Variants in CMTM8 observed in about 807,000 individuals in gnomAD.
CMTM8 encodes CKLF like MARVEL transmembrane domain containing 8, also known as CKLF-like MARVEL transmembrane domain-containing protein 8.
Under a neutral mutation model 18.6 loss-of-function variants are expected in CMTM8, and 12 were observed. The observed-to-expected ratio is 0.65, with a 90% CI of 0.41 to 1.05. The LOEUF is 1.05. Among genes scored for constraint, CMTM8 ranks in the 50% least tolerant of loss-of-function variants. The probability of loss-of-function intolerance (pLI) is 0.00; values close to 1 mark genes in which losing one functional copy is unlikely to be tolerated. For synonymous variants in CMTM8, 87 were observed against 90.6 expected (o/e 0.96, Z 0.23); for missense variants, 217 against 227.2 (o/e 0.95, Z 0.29).
chr3:32,303,346 G>A (rs972523653), intron 1 of CMTM8, among the ~76,000 whole-genome samples: 4 of 152,166 alleles, frequency 2.6e-5, no homozygotes, highest in Non-Finnish European at 5.9e-5. Context: ...TATCATATCA[G>A]TGAGATATTT....
intron 1 of CMTM8, among the ~76,000 whole-genome samples, chr3:32,246,752 G>A (rs1252694487): frequency 1.3e-5 from 2 of 152,122 alleles, no homozygotes; most frequent in Admixed American, 1.3e-4. Flanking sequence ...GTTCTTTAGT[G>A]TTTTCTGAGG....
intron 1 of CMTM8, among the ~76,000 whole-genome samples, chr3:32,322,095 G>A (rs983475328): frequency 2.6e-5 from 4 of 152,192 alleles, no homozygotes; most frequent in Non-Finnish European, 5.9e-5. Context: ...TCTCATGGGA[G>A]TCCCTGAAGA....
rs1396329592 is a variant in CMTM8 at position 32,367,989 on chromosome 3, G to A, written c.438+1G>A. 1 of 1,589,782 alleles carries A rather than the reference G, an allele frequency of 6.3e-7. No homozygotes were observed. Among genetic ancestry groups the A allele is most frequent in the Non-Finnish European group, 8.6e-7 (1 of 1,157,822 alleles). ...CTTCAACAGCTGGGCGGCCTCATCGGTGAGTAGCCCTCCATCCCCACATGA... is the reference window on the plus strand; with the variant it reads ...CTTCAACAGCTGGGCGGCCTCATCGATGAGTAGCCCTCCATCCCCACATGA... On this transcript the variant is annotated splice_donor_variant, in intron 3 of 3. Transcript: ENST00000307526. LOFTEE classifies it high-confidence loss of function.
At chr3:32,281,622 T>G (rs1331257082) in intron 1 of CMTM8, among the ~76,000 whole-genome samples, 3 of 152,134 alleles carry the variant, frequency 2.0e-5, no homozygotes, top group African/African-American at 7.2e-5. Context: ...GCAGCAAAAC[T>G]TCTTGAATGA....
intron 1 of CMTM8, among the ~76,000 whole-genome samples, chr3:32,339,261 C>T (rs1291231901): frequency 6.6e-6 from 1 of 152,162 alleles, no homozygotes. Flanking sequence ...CAGTGCCGGT[C>T]TTTAGTTGAT....
intron 1 of CMTM8, chr3:32,258,984 C>T (rs113223015): frequency 0.058 from 19,030 of 328,910 alleles, 642 homozygotes; most frequent in African/African-American, 0.088. Flanking sequence ...ACTGCCAGTC[C>T]GTGGGCTCTG....
At chr3:32,367,183 G>A (rs1697054939) in intron 2 of CMTM8, among the ~76,000 whole-genome samples, 2 of 152,166 alleles carry the variant, frequency 1.3e-5, no homozygotes, top group African/African-American at 4.8e-5. Context: ...GTTCAGGCAG[G>A]ACCCAGCTTT....
At chr3:32,336,133 A>T (rs560011925) in intron 1 of CMTM8, among the ~76,000 whole-genome samples, 55 of 152,352 alleles carry the variant, frequency 3.6e-4, no homozygotes, top group African/African-American at 1.3e-3. Context: ...TTTGAGATTG[A>T]CATTAAAGAG....
intron 1 of CMTM8, among the ~76,000 whole-genome samples, chr3:32,337,748 C>T (rs1425226396): frequency 2.0e-5 from 3 of 152,134 alleles, no homozygotes; most frequent in Non-Finnish European, 2.9e-5. Flanking sequence ...CTCACATGCT[C>T]CTGGGGGATA....
intron 1 of CMTM8, among the ~76,000 whole-genome samples, chr3:32,245,357 T>TA (rs1449554833): frequency 2.0e-5 from 3 of 152,212 alleles, no homozygotes; most frequent in Non-Finnish European, 4.4e-5. Context: ...GGGTGAGTGG[T>TA]AGTAGCTGTA....
intron 1 of CMTM8, among the ~76,000 whole-genome samples, chr3:32,354,914 G>A (rs188674858): frequency 7.2e-5 from 11 of 152,296 alleles, no homozygotes; most frequent in Admixed American, 4.6e-4. Context: ...ATCCCATTTT[G>A]TGTATCTTCA....
At chr3:32,291,392 G>A (rs189240540) in intron 1 of CMTM8, among the ~76,000 whole-genome samples, 6 of 150,058 alleles carry the variant, frequency 4.0e-5, no homozygotes, top group Admixed American at 6.6e-5. Flanking sequence ...CGCCCGCCTC[G>A]GCCTCCCAAA....
chr3:32,261,787 G>A (rs1050343506), intron 1 of CMTM8, among the ~76,000 whole-genome samples: 2 of 152,184 alleles, frequency 1.3e-5, no homozygotes, highest in African/African-American at 4.8e-5. Context: ...GTGGAGTTCA[G>A]TGTGAAACAA....
chr3:32,322,265 CTTGT>C (rs144215118), intron 1 of CMTM8, among the ~76,000 whole-genome samples: 3,240 of 152,054 alleles, frequency 0.021, 131 homozygotes, highest in African/African-American at 0.074. Flanking sequence ...CATTAGATGG[CTTGT>C]TTTTGTTTTT....
At chr3:32,284,055 C>A (rs1428630377) in intron 1 of CMTM8, among the ~76,000 whole-genome samples, 1 of 152,192 alleles carries the variant, frequency 6.6e-6, no homozygotes, top group Non-Finnish European at 1.5e-5. Flanking sequence ...AGTTCGAGAC[C>A]AGCCTGGCCA....
intron 2 of CMTM8, among the ~76,000 whole-genome samples, chr3:32,362,126 C>T (rs916628664): frequency 2.1e-5 from 3 of 143,938 alleles, no homozygotes; most frequent in South Asian, 2.2e-4. Context: ...CTACACCCTC[C>T]GCCTCCCGGG....
At chr3:32,272,560 C>A (rs1434140574) in intron 1 of CMTM8, among the ~76,000 whole-genome samples, 4 of 151,844 alleles carry the variant, frequency 2.6e-5, no homozygotes, top group African/African-American at 9.7e-5. Flanking sequence ...TTTATTAATT[C>A]TTTTTTTTAG....
intron 1 of CMTM8, among the ~76,000 whole-genome samples, chr3:32,294,132 AT>A (rs1702831759): frequency 6.6e-6 from 1 of 152,144 alleles, no homozygotes; most frequent in Admixed American, 6.5e-5. Flanking sequence ...ATTCTTGCCT[AT>A]CCCATAGGTG....
intron 2 of CMTM8, among the ~76,000 whole-genome samples, chr3:32,367,149 A>G (rs779885350): frequency 9.9e-5 from 15 of 151,496 alleles, no homozygotes; most frequent in Non-Finnish European, 2.2e-4. Flanking sequence ...CTCTGGTTTC[A>G]CCTCACCCCT....
Sources: gnomAD v4.1 joint callset for allele counts (sites outside exome capture counted in the v4.1 genomes callset) on GRCh38, gnomAD v4.1.1 for gene constraint, MANE v1.5 for transcripts, NCBI Gene and HGNC (gene_info 2026-07-23, HGNC 2026-07-21) for gene names.